Variants in HMX1 observed in about 807,000 individuals in gnomAD.
HMX1 encodes the protein H6 family homeobox 1, also known as homeobox protein HMX1.
Under a neutral mutation model 8.9 loss-of-function variants are expected in HMX1, and 8 were observed. The observed-to-expected ratio is 0.90, with a 90% CI of 0.53 to 1.63. The LOEUF is 1.63. HMX1 is among the 40% of genes most tolerant of loss of function. The pLI, the probability that HMX1 is intolerant of heterozygous loss-of-function variation, is 0.00. For missense variants in HMX1, 621 were observed against 558.5 expected, an observed-to-expected ratio of 1.11 and a Z score of -1.13; for synonymous variants, 311 against 283.4, an observed-to-expected ratio of 1.10 and a Z score of -0.98.
In HMX1 at chr4:8,868,082, A is replaced by G; in HGVS notation, c.658T>C (p.Ser220Pro). Residue 220 changes from serine to proline, a missense_variant, in exon 2 of 2, where the codon TCC becomes CCC. By Grantham distance (74) the Ser-to-Pro change is moderately conservative. Coordinates refer to ENST00000400677, the MANE Select transcript of HMX1 (RefSeq NM_018942.3). The surrounding 1 kb of genome is among the most constrained non-coding windows in gnomAD (Gnocchi z 4.6). ...AGGTAGCGCTTCAGGTCGAAGGTGG[A>G]TTCCAGCTGGAAGACCTGGCTGCGG... ...FSRSQVFQLE[S>P]TFDLKRYLSS... 1 of 1,529,186 alleles carries G rather than the reference A, an allele frequency of 6.5e-7. No homozygotes were observed. Among genetic ancestry groups the G allele is most frequent in the Non-Finnish European group, 8.8e-7 (1 of 1,140,822 alleles). 94.7% of individuals were successfully genotyped at this position (1,529,186 alleles called of 1,614,324 possible).
rs140955863 is a variant in HMX1 at position 8,850,081 on chromosome 4, C to T, written c.395-3757G>A. On this transcript the variant is annotated intron_variant, in intron 1 of 1. Coordinates refer to the HMX1 transcript ENST00000506970. The stretch of plus-strand genomic sequence containing the variant: ...CGTGGCAAGCCTGGCACCTGATAGG[C>T]ACACGGTGAGTCTGTTGACTGAATG... Among the ~76,000 whole-genome samples the T allele has an allele frequency of 7.9e-5, 12 of 152,340 alleles. No individual in the cohort carries two copies. The East Asian group carries it at 2.3e-3, about 29-fold the overall frequency.
Position 8,871,268 on chromosome 4 carries a change from C to T in HMX1, c.347G>A (p.Trp116Ter). 1.3e-6 allele frequency: 2 copies of T among 1,484,122 alleles called. No individual in the cohort carries two copies. Among genetic ancestry groups the T allele is most frequent in the Non-Finnish European group, 8.9e-7 (1 of 1,123,990 alleles). The allele number at this position is 1,484,122 out of a possible 1,614,324, so 91.9% of individuals were successfully genotyped here. A position where few individuals can be genotyped will look rare whatever the true frequency, so the allele number is the denominator to read the frequency against. The change falls in exon 1 of 2, where the codon TGG (tryptophan) becomes TAG (stop). Residue 116 changes from tryptophan to a stop codon, truncating the protein, a stop_gained. Coordinates refer to ENST00000400677, the MANE Select transcript of HMX1 (RefSeq NM_018942.3). LOFTEE classifies it low-confidence loss of function (END_TRUNC). This position sits in a 1 kb window ranked among gnomAD's most constrained non-coding sequence, Gnocchi z 4.8. ...FALGCGGAAR[W>*]YPRAHGGYGG... ...ATAGCCACCGTGCGCCCGTGGGTAC[C>T]AGCGCGCTGCGCCTCCGCAGCCCAG...
In HMX1 at chr4:8,859,402, C is replaced by A. The variant is rs559384074; in HGVS notation, c.394+11819G>T. 5.3e-5 allele frequency among the ~76,000 whole-genome samples: 8 copies of A among 152,278 alleles called. No homozygotes were observed. In the East Asian group the frequency reaches 1.5e-3, roughly 29 times the overall value. Reference sequence around the variant, plus strand: ...CTGGCTTAGAGCTTCCACCCCAATCCCAGAAAAGGCCCGCGGGACTTAGAA... The same window carrying A: ...CTGGCTTAGAGCTTCCACCCCAATCACAGAAAAGGCCCGCGGGACTTAGAA... On this transcript the variant is annotated intron_variant, in intron 1 of 1. Transcript: ENST00000506970.
chr4:8,870,630 T>TG lies in HMX1; in HGVS notation c.394+590dup, dbSNP rs1485975164. On this transcript the variant is annotated intron_variant, in intron 1 of 1. Coordinates refer to ENST00000400677, the MANE Select transcript of HMX1 (RefSeq NM_018942.3). This position sits in a 1 kb window ranked among gnomAD's most constrained non-coding sequence, Gnocchi z 4.4. ...GGACTCTGGGGGGGCACAGCTGCCA[T>TG]GTTAGATGGCTCCCCTCCCCGGCCC... is the stretch of plus-strand genomic sequence containing the variant. Among the ~76,000 whole-genome samples, 3 of 152,086 alleles carry TG rather than the reference T, an allele frequency of 2.0e-5. No homozygotes were observed. The highest frequency in any genetic ancestry group is 7.2e-5 in the African/African-American group (3 of 41,432).
At chr4:8,860,010 G>A (rs1183574628) in intron 1 of HMX1, among the ~76,000 whole-genome samples, 1 of 152,258 alleles carries the variant, frequency 6.6e-6, no homozygotes, top group East Asian at 1.9e-4. Context: ...GTCCCCATTA[G>A]AACCGGCAGA....
chr4:8,858,198 G>C (rs1219701122), intron 1 of HMX1, among the ~76,000 whole-genome samples: 1 of 152,150 alleles, frequency 6.6e-6, no homozygotes, highest in African/African-American at 2.4e-5. Flanking sequence ...AATGAGCGAG[G>C]CCCGGATGTG....
rs1233879728 is a variant in HMX1 at position 8,867,603 on chromosome 4, C to T, written c.*90G>A. The T allele has an allele frequency of 3.4e-6, 4 of 1,191,376 alleles. No individual in the cohort carries two copies. Among genetic ancestry groups the T allele is most frequent in the Non-Finnish European group, 3.1e-6 (3 of 961,692 alleles). The allele number at this position is 1,191,376 out of a possible 1,614,324, so 73.8% of individuals were successfully genotyped here. A position where few individuals can be genotyped will look rare whatever the true frequency, so the allele number is the denominator to read the frequency against. Reference sequence around the variant, plus strand: ...AGGCCGCAGGAGCGACCATCCCTTCCCTAACGCCCCCTGAGCCCTGCGCCT... The same window carrying T: ...AGGCCGCAGGAGCGACCATCCCTTCTCTAACGCCCCCTGAGCCCTGCGCCT... On this transcript the variant is annotated 3_prime_UTR_variant, in exon 2 of 2. Coordinates refer to ENST00000400677, the MANE Select transcript of HMX1 (RefSeq NM_018942.3).
At position 8,870,303 on chromosome 4, in the gene HMX1, G is replaced by GC. The variant is rs1034489426; in HGVS notation, c.394+917dup. ...TTCCTCCCAGGGGTCTTCCTAAAGG[G>GC]CAGGTACAAAAGGGAGGCAGCGACC... On this transcript the variant is annotated intron_variant, in intron 1 of 1. Transcript: ENST00000400677. The surrounding 1 kb of genome is among the most constrained non-coding windows in gnomAD (Gnocchi z 4.4). 9.2e-5 allele frequency among the ~76,000 whole-genome samples: 14 copies of GC among 151,928 alleles called. No homozygotes were observed. Among genetic ancestry groups the GC allele is most frequent in the Admixed American group, 1.3e-4 (2 of 15,264 alleles).
Position 8,853,540 on chromosome 4 carries a change from C to G in HMX1, c.395-7216G>C, listed in dbSNP as rs1721518879. Reference sequence around the variant, plus strand: ...TGCCCAACTGAAATCCAGAAGGGTTCAATTAGTAAAAGGTAAAAGGGGAGA... The same window carrying G: ...TGCCCAACTGAAATCCAGAAGGGTTGAATTAGTAAAAGGTAAAAGGGGAGA... On this transcript the variant is annotated intron_variant, in intron 1 of 1. Coordinates refer to the HMX1 transcript ENST00000506970. This position sits in a 1 kb window ranked among gnomAD's most constrained non-coding sequence, Gnocchi z 4.7. 6.6e-6 allele frequency among the ~76,000 whole-genome samples: 1 copy of G among 152,118 alleles called. No individual in the cohort carries two copies. The highest frequency in any genetic ancestry group is 1.5e-5 in the Non-Finnish European group (1 of 68,036).
rs774043817 is a variant in HMX1, at chr4:8,871,423, C to T, written c.192G>A (p.Arg64=). The T allele has an allele frequency of 1.1e-5, 14 of 1,307,732 alleles. No homozygotes were observed. In the South Asian group the frequency reaches 1.7e-4, roughly 16 times the overall value. 81.0% of individuals were successfully genotyped at this position (1,307,732 alleles called of 1,614,324 possible). Residue 64 remains arginine, a synonymous_variant, in exon 1 of 2, where the codon CGG becomes CGA. Transcript: ENST00000400677. This position sits in a 1 kb window ranked among gnomAD's most constrained non-coding sequence, Gnocchi z 4.8. ...CGAGCAACTGTCGCCGCCGCTGTAG[C>T]CGTCGCCGCCGCGCCTGCTCGGCGT... ...DEDAEQARRR[R]LQRRRQLLAG...
At position 8,867,737 on chromosome 4, in the gene HMX1, C is replaced by G; in HGVS notation, c.1003G>C (p.Ala335Pro). ...TGCGCCCGCAGAAAGGGCACGGAGG[C>G]GGCGGCCGGGAAGGCGGCCAGCGGG... ...AYPLAAFPAA[A>P]SVPFLRAQMP... Residue 335 changes from alanine to proline, a missense_variant, in exon 2 of 2, where the codon GCC (alanine) becomes CCC (proline). Physicochemically the swap from Ala to Pro is conservative, Grantham distance 27. Coordinates refer to ENST00000400677, the MANE Select transcript of HMX1 (RefSeq NM_018942.3). 1 of 1,288,592 alleles carries G rather than the reference C, an allele frequency of 7.8e-7. No homozygotes were observed. The highest frequency in any genetic ancestry group is 2.7e-5 in the South Asian group (1 of 36,644). The allele number at this position is 1,288,592 out of a possible 1,614,324, so 79.8% of individuals were successfully genotyped here. A position where few individuals can be genotyped will look rare whatever the true frequency, so the allele number is the denominator to read the frequency against.
At chr4:8,852,304 A>C (rs1448229732) in intron 1 of HMX1, among the ~76,000 whole-genome samples, 1 of 152,208 alleles carries the variant, frequency 6.6e-6, no homozygotes, top group Non-Finnish European at 1.5e-5. Flanking sequence ...AGCCGCCTGA[A>C]ACCCAGGCCC....
chr4:8,860,374 C>G (rs1721758867), intron 1 of HMX1, among the ~76,000 whole-genome samples: 1 of 152,230 alleles, frequency 6.6e-6, no homozygotes, highest in South Asian at 2.1e-4. Flanking sequence ...GTGTACACAG[C>G]AGCAAGCAAT....
chr4:8,861,140 C>G (rs1032174294), intron 1 of HMX1, among the ~76,000 whole-genome samples: 1 of 152,150 alleles, frequency 6.6e-6, no homozygotes, highest in Non-Finnish European at 1.5e-5. Flanking sequence ...TCCGTTCCAT[C>G]TAGGTCGGGC....
intron 1 of HMX1, among the ~76,000 whole-genome samples, chr4:8,846,570 A>G (rs942633518): frequency 6.6e-6 from 1 of 152,174 alleles, no homozygotes; most frequent in Non-Finnish European, 1.5e-5. Context: ...TGGGATTCCA[A>G]TGCAGTGGCC....
Position 8,867,382 on chromosome 4 carries a change from G to C in HMX1, c.*311C>G, listed in dbSNP as rs1403556564. On this transcript the variant is annotated 3_prime_UTR_variant, in exon 2 of 2. Coordinates refer to ENST00000400677, the MANE Select transcript of HMX1 (RefSeq NM_018942.3). ...GAGGGCAGCTGCCCCGGGTGGCCAT[G>C]GCCGACCGCTCCTCGCTGAGGCCGG... The C allele has an allele frequency of 1.9e-5, 20 of 1,048,280 alleles. No individual in the cohort carries two copies. The highest frequency in any genetic ancestry group is 2.3e-5 in the Non-Finnish European group (20 of 872,110). 64.9% of individuals were successfully genotyped at this position (1,048,280 alleles called of 1,614,324 possible). A position where few individuals can be genotyped will look rare whatever the true frequency, so the allele number is the denominator to read the frequency against.
chr4:8,871,658 C>A lies in HMX1; in HGVS notation c.-44G>T. On this transcript the variant is annotated 5_prime_UTR_variant, in exon 1 of 2. Coordinates refer to ENST00000400677, the MANE Select transcript of HMX1 (RefSeq NM_018942.3). This position sits in a 1 kb window ranked among gnomAD's most constrained non-coding sequence, Gnocchi z 4.8. Reference sequence around the variant, plus strand: ...GGGCTCGGCCGGGCTCCTCGGTCCCCGCTGGGGATGGTGGCGCGCGGCTCC... The same window carrying A: ...GGGCTCGGCCGGGCTCCTCGGTCCCAGCTGGGGATGGTGGCGCGCGGCTCC... 3.4e-6 allele frequency: 4 copies of A among 1,182,776 alleles called. No individual in the cohort carries two copies. Among genetic ancestry groups the A allele is most frequent in the African/African-American group, 1.6e-5 (1 of 61,788 alleles). The allele number at this position is 1,182,776 out of a possible 1,614,324, so 73.3% of individuals were successfully genotyped here.
chr4:8,850,340 C>G (rs1721406788), intron 1 of HMX1, among the ~76,000 whole-genome samples: 2 of 152,120 alleles, frequency 1.3e-5, no homozygotes, highest in South Asian at 2.1e-4. Context: ...CTGCCCCGAC[C>G]CCTTCCGGTG....
Position 8,849,235 on chromosome 4 carries a change from G to A in HMX1, c.395-2911C>T, listed in dbSNP as rs938569107. ...AAATGTGTATGGGGAGGTCCTGACC[G>A]GCAGCACCCCAGAACGGGAGTTTAT... On this transcript the variant is annotated intron_variant, in intron 1 of 1. Coordinates refer to the HMX1 transcript ENST00000506970. This position sits in a 1 kb window ranked among gnomAD's most constrained non-coding sequence, Gnocchi z 6.6. Among the ~76,000 whole-genome samples the A allele has an allele frequency of 2.0e-5, 3 of 152,036 alleles. No homozygotes were observed. The highest frequency in any genetic ancestry group is 4.8e-5 in the African/African-American group (2 of 41,406).
Sources: allele counts gnomAD v4.1 joint callset (sites outside exome capture counted in the v4.1 genomes callset), GRCh38; gene constraint gnomAD v4.1.1; non-coding constraint Gnocchi (gnomAD v3.1); transcripts MANE v1.5; gene names NCBI Gene and HGNC (gene_info 2026-07-23, HGNC 2026-07-21).